The following HECW1 variants were observed in gnomAD, a reference collection of about 807,000 sequenced individuals.
The protein encoded by HECW1 is E3 ubiquitin-protein ligase HECW1.
Under a neutral mutation model 182.3 loss-of-function variants are expected in HECW1, and 61 were observed. That is an observed-to-expected ratio of 0.33 (90% CI 0.27 to 0.41). HECW1 has a LOEUF of 0.41. HECW1 is among the 10% of genes least tolerant of loss of function. The probability of loss-of-function intolerance (pLI) is 1.00; values close to 1 mark genes in which losing one functional copy is unlikely to be tolerated. For synonymous variants in HECW1, 859 were observed against 832.6 expected, an observed-to-expected ratio of 1.03 and a Z score of -0.55; for missense variants, 1,739 against 2,108.9, an observed-to-expected ratio of 0.82 and a Z score of 3.44.
intron 2 of HECW1, among the ~76,000 whole-genome samples, chr7:43,213,445 T>G (rs1293810004): frequency 6.9e-6 from 1 of 145,228 alleles, no homozygotes; most frequent in Non-Finnish European, 1.5e-5. Flanking sequence ...AAGAATTTTT[T>G]TTTTTTTTTT....
intron 24 of HECW1, among the ~76,000 whole-genome samples, chr7:43,513,668 G>A (rs181985443): frequency 1.0e-3 from 157 of 150,858 alleles, no homozygotes; most frequent in African/African-American, 3.7e-3. Flanking sequence ...AAAAAAAACT[G>A]TTTGTGGGTT....
intron 5 of HECW1, among the ~76,000 whole-genome samples, chr7:43,344,522 T>G (rs1562864652): frequency 6.6e-6 from 1 of 152,070 alleles, no homozygotes; most frequent in Non-Finnish European, 1.5e-5. Context: ...TGTCTTTTTT[T>G]TTTTCTCTGA....
chr7:43,519,185 C>T (rs540414111), intron 24 of HECW1, among the ~76,000 whole-genome samples: 1 of 152,062 alleles, frequency 6.6e-6, no homozygotes, highest in African/African-American at 2.4e-5. Context: ...TAAACTTGCC[C>T]AATACAAGAG....
intron 2 of HECW1, among the ~76,000 whole-genome samples, chr7:43,198,297 G>A (rs1448597215): frequency 9.9e-5 from 12 of 121,194 alleles, no homozygotes; most frequent in Admixed American, 4.2e-4. Flanking sequence ...ACACACATTC[G>A]CACACTCACC....
At chr7:43,298,793 G>A (rs75280456) in intron 3 of HECW1, among the ~76,000 whole-genome samples, 17,340 of 152,188 alleles carry the variant, frequency 0.11, 1,122 homozygotes, top group African/African-American at 0.17. Context: ...GCTGGTCTCC[G>A]TTGCCACCAC....
chr7:43,528,863 A>T (rs1377397144), intron 24 of HECW1, among the ~76,000 whole-genome samples: 1 of 152,260 alleles, frequency 6.6e-6, no homozygotes. Context: ...AAGTTTTCTC[A>T]GCTAATTTGT....
chr7:43,501,131 C>T, intron 20 of HECW1, 82 bp from the exon 21 acceptor site: 1 of 740,898 alleles, frequency 1.3e-6, no homozygotes, highest in Non-Finnish European at 2.2e-6. Flanking sequence ...AGTGCTGCTA[C>T]CCCAATTCGT....
rs145425545 is a variant in HECW1, at chr7:43,238,287, C to T, written c.-31-5588C>T. ...CCAGCTCATGGCCATGATGCTGGCA[C>T]CAGAGTGGGTGCTGTCCAGAAGCTG... is the stretch of plus-strand genomic sequence containing the variant. On this transcript the variant is annotated intron_variant, in intron 2 of 29. Coordinates refer to ENST00000395891, the MANE Select transcript of HECW1 (RefSeq NM_015052.5). Among the ~76,000 whole-genome samples, 462 of 152,270 alleles carry T rather than the reference C, an allele frequency of 3.0e-3. 2 individuals carry two copies. The highest frequency in any genetic ancestry group is 5.0e-3 in the Non-Finnish European group (341 of 68,018).
At chr7:43,279,480 A>G (rs1165697577) in intron 3 of HECW1, among the ~76,000 whole-genome samples, 1 of 152,152 alleles carries the variant, frequency 6.6e-6, no homozygotes, top group Admixed American at 6.5e-5. Context: ...TGCCTCATCT[A>G]GAGCCTAACC....
At chr7:43,293,095 C>T (rs1433897852) in intron 3 of HECW1, among the ~76,000 whole-genome samples, 1 of 151,652 alleles carries the variant, frequency 6.6e-6, no homozygotes, top group African/African-American at 2.4e-5. Flanking sequence ...TGGAAGGCGC[C>T]TGTGGTCCCA....
At chr7:43,213,201 C>T (rs188888740) in intron 2 of HECW1, among the ~76,000 whole-genome samples, 2 of 151,854 alleles carry the variant, frequency 1.3e-5, no homozygotes, top group East Asian at 3.9e-4. Flanking sequence ...ACAAATCTTG[C>T]CCCAAGTGAG....
chr7:43,336,166 C>T lies in HECW1; in HGVS notation c.460+15424C>T, dbSNP rs1051647845. ...TCTTTCTCTCTCTCTCTCTCTCTCT[C>T]TCTCTCTCTCTCTCTCTCTCTCTCT... On this transcript the variant is annotated intron_variant, in intron 5 of 29. Transcript: ENST00000395891. Among the ~76,000 whole-genome samples the T allele has an allele frequency of 4.4e-3, 521 of 118,040 alleles. 23 individuals carry two copies. The highest frequency in any genetic ancestry group is 0.016 in the African/African-American group (448 of 27,986). The allele number at this position is 118,040 out of a possible 152,430, so 77.4% of individuals were successfully genotyped here. A position where few individuals can be genotyped will look rare whatever the true frequency, so the allele number is the denominator to read the frequency against.
chr7:43,518,293 G>A (rs1436384103), intron 24 of HECW1, among the ~76,000 whole-genome samples: 1 of 152,032 alleles, frequency 6.6e-6, no homozygotes, highest in African/African-American at 2.4e-5. Flanking sequence ...TCAGGAGTTT[G>A]AGACCATCCT....
At chr7:43,483,016 C>CAAAG (rs1227175748) in intron 17 of HECW1, among the ~76,000 whole-genome samples, 1 of 152,148 alleles carries the variant, frequency 6.6e-6, no homozygotes, top group East Asian at 1.9e-4. Flanking sequence ...ACAGCCTAAG[C>CAAAG]AAAGGTGCAG....
At chr7:43,136,257 C>T (rs760298046) in intron 2 of HECW1, among the ~76,000 whole-genome samples, 1 of 152,180 alleles carries the variant, frequency 6.6e-6, no homozygotes, top group Non-Finnish European at 1.5e-5. Flanking sequence ...TGGCACTTAT[C>T]TATTGAGGCA....
Position 43,407,646 on chromosome 7 carries a change from G to A in HECW1, c.716G>A (p.Ser239Asn), listed in dbSNP as rs2152845021. ...ATTTCCATTCAGCCTGGGAAACACA[G>A]CATCTTCCCCGCCCTCCCTCACCAT... ...LKISIQPGKH[S>N]IFPALPHHGQ... Residue 239 changes from serine to asparagine, a missense_variant, in exon 8 of 30, where the codon AGC becomes AAC. Physicochemically the swap from Ser to Asn is conservative, Grantham distance 46 (BLOSUM62 1). Transcript: ENST00000395891. The A allele has an allele frequency of 6.2e-7, 1 of 1,613,596 alleles. No individual in the cohort carries two copies. Among genetic ancestry groups the A allele is most frequent in the Non-Finnish European group, 8.5e-7 (1 of 1,179,646 alleles).
At chr7:43,188,119 G>C (rs545155229) in intron 2 of HECW1, among the ~76,000 whole-genome samples, 12 of 152,192 alleles carry the variant, frequency 7.9e-5, no homozygotes, top group Admixed American at 1.3e-4. Flanking sequence ...TGTGGTTCCA[G>C]ACTGAGGATG....
At chr7:43,557,238 A>G (rs999743791) in intron 29 of HECW1, among the ~76,000 whole-genome samples, 7 of 152,174 alleles carry the variant, frequency 4.6e-5, no homozygotes, top group African/African-American at 1.7e-4. Flanking sequence ...TGGGCTTCCC[A>G]GGTACTGTGA....
intron 2 of HECW1, among the ~76,000 whole-genome samples, chr7:43,186,483 C>T (rs566866205): frequency 1.3e-5 from 2 of 151,886 alleles, no homozygotes; most frequent in South Asian, 4.2e-4. Context: ...CTGGCTAACA[C>T]GGTGAAACCC....
Sources: allele counts gnomAD v4.1 joint callset (sites outside exome capture counted in the v4.1 genomes callset), GRCh38; gene constraint gnomAD v4.1.1; transcripts MANE v1.5; gene names NCBI Gene and HGNC (gene_info 2026-07-23, HGNC 2026-07-21).